The following PKD1L1 variants were observed in gnomAD, a reference collection of about 807,000 sequenced individuals.
The protein encoded by PKD1L1 is polycystin-1-like protein 1.
PKD1L1 carries 236 observed loss-of-function variants against 323.4 expected under a neutral mutation model. That is an observed-to-expected ratio of 0.73 (90% CI 0.66 to 0.81). PKD1L1 has a LOEUF of 0.81. Among genes scored for constraint, PKD1L1 ranks in the 40% least tolerant of loss-of-function variants. The pLI is 0.00. For missense variants in PKD1L1, 3,320 were observed against 3,508.0 expected (o/e 0.95, Z 1.35); for synonymous variants, 1,344 against 1,335.0 (o/e 1.01, Z -0.15).
rs1332243814 is a variant in PKD1L1 at position 47,840,561 on chromosome 7, T to C, written c.5452A>G (p.Ile1818Val). ...APARLTSKVY[I>V]VLCGDNGLSE... ...AGTCCATTGTCGCCACATAAAACAATGTACACCTCAAAACAAAGAACAGGG... is the reference window on the plus strand; with the variant it reads ...AGTCCATTGTCGCCACATAAAACAACGTACACCTCAAAACAAAGAACAGGG... The change falls in exon 35 of 57, where the codon ATT (isoleucine) becomes GTT (valine). Residue 1818 changes from isoleucine (I) to valine (V), a missense_variant. Physicochemically the swap from Ile to Val is conservative, Grantham distance 29. Transcript: ENST00000289672. The surrounding 1 kb of genome is among the most constrained non-coding windows in gnomAD (Gnocchi z 4.1). The C allele has an allele frequency of 5.6e-6, 9 of 1,612,888 alleles. No individual in the cohort carries two copies. Among genetic ancestry groups the C allele is most frequent in the Admixed American group, 3.3e-5 (2 of 60,006 alleles).
intron 24 of PKD1L1, among the ~76,000 whole-genome samples, chr7:47,868,614 G>A (rs1786216511): frequency 6.6e-6 from 1 of 152,158 alleles, no homozygotes; most frequent in Non-Finnish European, 1.5e-5. Flanking sequence ...GGTGGCTCAT[G>A]CCTGTAATCC....
intron 9 of PKD1L1, among the ~76,000 whole-genome samples, chr7:47,906,331 G>A (rs10258314): frequency 6.6e-6 from 1 of 152,078 alleles, no homozygotes; most frequent in Non-Finnish European, 1.5e-5. Context: ...GGTCTAATAA[G>A]CCTTGTGCTT....
chr7:47,925,152 C>T (rs551549742), intron 7 of PKD1L1, among the ~76,000 whole-genome samples: 2 of 152,068 alleles, frequency 1.3e-5, no homozygotes, highest in African/African-American at 4.8e-5. Context: ...GAAAAAATAT[C>T]CCTTTTATAA....
At chr7:47,813,374 A>C (rs1242150621) in intron 48 of PKD1L1, 81 bp from the exon 49 acceptor site, 11 of 1,420,910 alleles carry the variant, frequency 7.7e-6, no homozygotes, top group Middle Eastern at 1.8e-4. Context: ...AGGCCTGGCC[A>C]CATGTGAACA....
intron 31 of PKD1L1, among the ~76,000 whole-genome samples, chr7:47,849,638 CATCT>C (rs1437290232): frequency 6.6e-6 from 1 of 152,050 alleles, no homozygotes; most frequent in African/African-American, 2.4e-5. Flanking sequence ...AATGAGATAC[CATCT>C]TACTCCTGCA....
intron 32 of PKD1L1, among the ~76,000 whole-genome samples, 186 bp from the exon 33 acceptor site, chr7:47,845,264 T>C (rs1785642150): frequency 1.3e-5 from 2 of 152,276 alleles, no homozygotes; most frequent in South Asian, 4.1e-4. Context: ...ACTTCTGATG[T>C]GCCAGAGTTC....
the PKD1L1 span, among the ~76,000 whole-genome samples, chr7:47,954,117 C>G: frequency 6.6e-6 from 1 of 152,274 alleles, no homozygotes; most frequent in South Asian, 2.1e-4. Flanking sequence ...GGTTTGAGCC[C>G]TAAGGTCACT....
At chr7:47,874,101 A>G (rs940906460) in intron 23 of PKD1L1, 91 bp from the exon 24 acceptor site, 8 of 796,182 alleles carry the variant, frequency 1.0e-5, no homozygotes, top group Non-Finnish European at 1.6e-5. Context: ...CTGGATGACT[A>G]AAACTGTGAC....
At position 47,813,273 on chromosome 7, in the gene PKD1L1, T is replaced by G; in HGVS notation, c.7194A>C (p.Ala2398=). The G allele has an allele frequency of 1.2e-6, 2 of 1,614,128 alleles. No homozygotes were observed. The highest frequency in any genetic ancestry group is 1.7e-6 in the Non-Finnish European group (2 of 1,180,014). ...HLCKPPRPFS[A]LIEDSIPTCS... ...ATGTAGGAATAGAGTCTTCGATGAGTGCTGAAAATGGCCTGGGAGGCTGCA... is the reference window on the plus strand; with the variant it reads ...ATGTAGGAATAGAGTCTTCGATGAGGGCTGAAAATGGCCTGGGAGGCTGCA... Residue 2398 remains alanine, a synonymous_variant, in exon 49 of 57, where the codon GCA becomes GCC. Transcript: ENST00000289672.
intron 55 of PKD1L1, among the ~76,000 whole-genome samples, chr7:47,794,682 C>T (rs1025318453): frequency 6.6e-6 from 1 of 152,262 alleles, no homozygotes; most frequent in South Asian, 2.1e-4. Flanking sequence ...TTGCACTGTG[C>T]ACCTGGAAAA....
intron 7 of PKD1L1, among the ~76,000 whole-genome samples, chr7:47,921,119 GA>G (rs542547920): frequency 2.0e-5 from 3 of 149,042 alleles, no homozygotes; most frequent in African/African-American, 7.4e-5. Flanking sequence ...CACAGAGTGG[GA>G]AAAAAAATCT....
chr7:47,901,492 C>A (rs1382160471), intron 13 of PKD1L1, among the ~76,000 whole-genome samples: 1 of 152,182 alleles, frequency 6.6e-6, no homozygotes, highest in Non-Finnish European at 1.5e-5. Flanking sequence ...GAGCCAGAGT[C>A]CTCCTGCCTA....
intron 3 of PKD1L1, among the ~76,000 whole-genome samples, chr7:47,939,736 C>T (rs1267290377): frequency 6.6e-6 from 1 of 152,222 alleles, no homozygotes; most frequent in Admixed American, 6.5e-5. Flanking sequence ...GAAGCCTTGT[C>T]TGTGCTGGAG....
At position 47,866,445 on chromosome 7, in the gene PKD1L1, C is replaced by G. The variant is rs1786170411; in HGVS notation, c.4066G>C (p.Val1356Leu). The change falls in exon 25 of 57, where the codon GTA becomes CTA. Residue 1356 changes from valine to leucine, a missense_variant. By Grantham distance (32) the Val-to-Leu change is conservative. Transcript: ENST00000289672. Reference sequence around the variant, plus strand: ...TGATCTACAAAAGCCAATCTGCATACTGAAGAAATTAATGCATCCTGTATT... The same window carrying G: ...TGATCTACAAAAGCCAATCTGCATAGTGAAGAAATTAATGCATCCTGTATT... ...SRIQDALISS[V>L]CRLAFVDQEE... 6.2e-7 allele frequency: 1 copy of G among 1,613,548 alleles called. No individual in the cohort carries two copies. The highest frequency in any genetic ancestry group is 1.3e-5 in the African/African-American group (1 of 74,912).
At chr7:47,906,900 A>G (rs548858266) in intron 9 of PKD1L1, among the ~76,000 whole-genome samples, 1 of 152,144 alleles carries the variant, frequency 6.6e-6, no homozygotes, top group East Asian at 1.9e-4. Flanking sequence ...AAAGTGTTAA[A>G]AAAAAAAGAT....
chr7:47,893,894 G>C lies in PKD1L1; in HGVS notation c.2437C>G (p.Pro813Ala), dbSNP rs762603375. 9.9e-6 allele frequency: 16 copies of C among 1,613,422 alleles called. No individual in the cohort carries two copies. The highest frequency in any genetic ancestry group is 5.3e-5 in the African/African-American group (4 of 74,918). Residue 813 changes from proline (P) to alanine (A), a missense_variant, in exon 15 of 57, where the codon CCT becomes GCT. By Grantham distance (27) the Pro-to-Ala change is conservative (BLOSUM62 -1). Transcript: ENST00000289672. ...GGTGCTCACCTGAGAGTCGCCCCAG[G>C]GTCGTCAGGGTCGAAGGACTGGGTC... is the stretch of plus-strand genomic sequence containing the variant. ...RGTQSFDPDD[P>A]GATLRYHWEC...
chr7:47,921,381 A>T (rs977442373), intron 7 of PKD1L1, among the ~76,000 whole-genome samples: 4 of 152,098 alleles, frequency 2.6e-5, no homozygotes, highest in Admixed American at 2.6e-4. Context: ...ATCAAAAAAT[A>T]AAAAAATAGT....
intron 7 of PKD1L1, among the ~76,000 whole-genome samples, chr7:47,915,980 G>A (rs1357747873): frequency 1.3e-5 from 2 of 152,212 alleles, no homozygotes; most frequent in South Asian, 2.1e-4. Context: ...ACGGCAGTAA[G>A]AAGAAAGTAC....
At chr7:47,897,944 A>T in intron 14 of PKD1L1, 44 bp downstream of exon 14, 1 of 1,467,494 alleles carries the variant, frequency 6.8e-7, no homozygotes. Flanking sequence ...GATGAGAAGC[A>T]TGGGTTTCAT....
Sources: allele counts gnomAD v4.1 joint callset (sites outside exome capture counted in the v4.1 genomes callset), GRCh38; gene constraint gnomAD v4.1.1; non-coding constraint Gnocchi (gnomAD v3.1); transcripts MANE v1.5; gene names NCBI Gene and HGNC (gene_info 2026-07-23, HGNC 2026-07-21).